The following PREX1 variants were observed in gnomAD, a reference collection of about 807,000 sequenced individuals.
PREX1 encodes the protein phosphatidylinositol-3,4,5-trisphosphate dependent Rac exchange factor 1, also known as phosphatidylinositol 3,4,5-trisphosphate-dependent Rac exchanger 1 protein.
In PREX1, 41 loss-of-function variants were observed where a neutral mutation model predicts 198.3. The observed-to-expected ratio is 0.21, with a 90% confidence interval of 0.16 to 0.27. PREX1 has a LOEUF of 0.27. Among genes scored for constraint, PREX1 ranks in the 10% least tolerant of loss-of-function variants. The probability of loss-of-function intolerance (pLI) is 1.00; values close to 1 mark genes in which losing one functional copy is unlikely to be tolerated. For missense variants in PREX1, 1,620 were observed against 2,200.7 expected (o/e 0.74, Z 5.28); for synonymous variants, 843 against 887.2 (o/e 0.95, Z 0.89).
At chr20:48,773,466 G>A (rs952701447) in intron 1 of PREX1, among the ~76,000 whole-genome samples, 1 of 152,126 alleles carries the variant, frequency 6.6e-6, no homozygotes, top group African/African-American at 2.4e-5. Flanking sequence ...GAGCAGCAAG[G>A]AACTGTCTCA....
chr20:48,853,733 T>C, the PREX1 span, among the ~76,000 whole-genome samples: 1 of 152,176 alleles, frequency 6.6e-6, no homozygotes, highest in Non-Finnish European at 1.5e-5. Context: ...CAATACAGTG[T>C]GTTGAAAGCC....
At chr20:48,743,990 G>GTGA (rs3037311) in intron 3 of PREX1, among the ~76,000 whole-genome samples, 12,741 of 149,180 alleles carry the variant, frequency 0.085, 522 homozygotes, top group South Asian at 0.12. Flanking sequence ...AAGTGAGTTA[G>GTGA]TGATGATGAT....
chr20:48,828,917 AG>A (rs1167929809), upstream of PREX1, among the ~76,000 whole-genome samples: 2 of 152,096 alleles, frequency 1.3e-5, no homozygotes, highest in East Asian at 3.9e-4. Context: ...AGGTATGGAG[AG>A]GGGAGGAAGT....
At position 48,788,010 on chromosome 20, in the gene PREX1, C is replaced by T. The variant is rs531379761; in HGVS notation, c.219+39632G>A. Among the ~76,000 whole-genome samples, 33 of 152,228 alleles carry T rather than the reference C, an allele frequency of 2.2e-4. No homozygotes were observed. The South Asian group carries it at 5.4e-3, about 25-fold the overall frequency. On this transcript the variant is annotated intron_variant, in intron 1 of 39. Transcript: ENST00000371941. Reference sequence around the variant, plus strand: ...GGAGCTAAACTTCACTTGCAGATGGCGGAGGCTTCGAGATTAACGCACCCA... The same window carrying T: ...GGAGCTAAACTTCACTTGCAGATGGTGGAGGCTTCGAGATTAACGCACCCA...
chr20:48,668,512 C>T (rs907918002), intron 14 of PREX1, among the ~76,000 whole-genome samples: 9 of 152,224 alleles, frequency 5.9e-5, no homozygotes, highest in South Asian at 2.1e-4. Context: ...CTCACTGAAA[C>T]GCCTCCCAGA....
Position 48,645,835 on chromosome 20 carries a change from T to C in PREX1, c.3512+16A>G, listed in dbSNP as rs1433721176. ...CCATCCTCATCTAACCTCAGCCCCC[T>C]GACGGTGACACCCACCTGTAGGAGT... On this transcript the variant is annotated intron_variant, in intron 26 of 39. Transcript: ENST00000371941. The C allele has an allele frequency of 6.2e-7, 1 of 1,613,082 alleles. No homozygotes were observed. Among genetic ancestry groups the C allele is most frequent in the Non-Finnish European group, 8.5e-7 (1 of 1,179,504 alleles).
In PREX1 at chr20:48,643,299, T is replaced by A. The variant is rs576579905; in HGVS notation, c.3602-810A>T. On this transcript the variant is annotated intron_variant, in intron 27 of 39. Transcript: ENST00000371941. ...TCCTGGCCAACATGGTGAAACCCTATGTCTACTAAAAATACAAAAATTATC... is the reference window on the plus strand; with the variant it reads ...TCCTGGCCAACATGGTGAAACCCTAAGTCTACTAAAAATACAAAAATTATC... Among the ~76,000 whole-genome samples the A allele has an allele frequency of 1.2e-4, 18 of 152,296 alleles. 2 individuals carry two copies. The highest frequency in any genetic ancestry group is 4.3e-4 in the African/African-American group (18 of 41,574).
chr20:48,811,485 A>C (rs2090434929), intron 1 of PREX1, among the ~76,000 whole-genome samples: 1 of 151,836 alleles, frequency 6.6e-6, no homozygotes, highest in Non-Finnish European at 1.5e-5. Context: ...GGCCTGGCCC[A>C]CAGCAAGGGT....
chr20:48,853,974 A>C, the PREX1 span, among the ~76,000 whole-genome samples: 1 of 152,194 alleles, frequency 6.6e-6, no homozygotes, highest in Non-Finnish European at 1.5e-5. Flanking sequence ...CCTTCTCTCC[A>C]TGGGGTCCCG....
chr20:48,655,512 C>A, intron 18 of PREX1, 137 bp from the exon 19 acceptor site: 1 of 656,206 alleles, frequency 1.5e-6, no homozygotes, highest in African/African-American at 1.9e-5. Flanking sequence ...GTAGCACCAC[C>A]AGGCTTTCCA....
intron 1 of PREX1, among the ~76,000 whole-genome samples, chr20:48,750,235 C>G (rs2179635): frequency 0.35 from 53,479 of 151,928 alleles, 10,351 homozygotes; most frequent in Non-Finnish European, 0.43. Context: ...ACCACCCCCC[C>G]AGTCCAAGCC....
chr20:48,670,602 G>A (rs60800804), intron 14 of PREX1, among the ~76,000 whole-genome samples: 2,763 of 152,284 alleles, frequency 0.018, 85 homozygotes, highest in African/African-American at 0.061. Flanking sequence ...GGCTTCCCCC[G>A]ATTCAAAGCC....
chr20:48,687,378 C>T (rs1181609945), intron 10 of PREX1, among the ~76,000 whole-genome samples: 1 of 152,234 alleles, frequency 6.6e-6, no homozygotes, highest in Non-Finnish European at 1.5e-5. Flanking sequence ...AGCTTTCCAG[C>T]GCCTTAAAGT....
intron 1 of PREX1, among the ~76,000 whole-genome samples, chr20:48,766,230 C>G (rs1337009590): frequency 6.6e-6 from 1 of 152,296 alleles, no homozygotes; most frequent in East Asian, 1.9e-4. Context: ...CATCCCTTCC[C>G]CACCCCTAGG....
rs115557529 is a variant in PREX1, at chr20:48,753,315, T to A, written c.220-5435A>T. The stretch of plus-strand genomic sequence containing the variant: ...AGCAAACTGGTGACAAAACACAGAT[T>A]AGAACCAGGTCTCCCGATGCCAGGC... On this transcript the variant is annotated intron_variant, in intron 1 of 39. Transcript: ENST00000371941. 9.3e-3 allele frequency among the ~76,000 whole-genome samples: 1,410 copies of A among 152,290 alleles called. 18 individuals carry two copies. The highest frequency in any genetic ancestry group is 0.032 in the African/African-American group (1,339 of 41,550).
chr20:48,790,685 G>T (rs895882122), intron 1 of PREX1, among the ~76,000 whole-genome samples: 2 of 152,106 alleles, frequency 1.3e-5, no homozygotes, highest in Non-Finnish European at 2.9e-5. Flanking sequence ...AGGATCAGGG[G>T]CCTGTTAGGC....
chr20:48,630,901 C>T, intron 35 of PREX1, 107 bp from the exon 36 acceptor site: 1 of 824,176 alleles, frequency 1.2e-6, no homozygotes, highest in Non-Finnish European at 2.0e-6. Flanking sequence ...CCTCTGCCGA[C>T]TCTCAGAATG....
At chr20:48,876,935 G>GT in the PREX1 span, among the ~76,000 whole-genome samples, 1 of 152,102 alleles carries the variant, frequency 6.6e-6, no homozygotes, top group Non-Finnish European at 1.5e-5. Flanking sequence ...TCTTTCAGTT[G>GT]TAAGTATTAG....
chr20:48,841,157 G>A, the PREX1 span, among the ~76,000 whole-genome samples: 2,021 of 152,190 alleles, frequency 0.013, 44 homozygotes, highest in African/African-American at 0.046. Context: ...TTGGCCTCAA[G>A]GGATCCTCCA....
Sources: allele counts gnomAD v4.1 joint callset (sites outside exome capture counted in the v4.1 genomes callset), GRCh38; gene constraint gnomAD v4.1.1; transcripts MANE v1.5; gene names NCBI Gene and HGNC (gene_info 2026-07-23, HGNC 2026-07-21).